Variants in PARD3B observed in about 807,000 individuals in gnomAD.
PARD3B encodes par-3 family cell polarity regulator beta.
In PARD3B, 103 loss-of-function variants were observed where a neutral mutation model predicts 130.2. The observed-to-expected ratio is 0.79, with a 90% CI of 0.67 to 0.93. The LOEUF (loss-of-function observed/expected upper bound fraction) is 0.93. PARD3B is among the 40% of genes least tolerant of loss of function. The pLI, the probability that PARD3B is intolerant of heterozygous loss-of-function variation, is 0.00. For synonymous variants in PARD3B, 583 were observed against 553.2 expected, an observed-to-expected ratio of 1.05 and a Z score of -0.76; for missense variants, 1,609 against 1,499.2, an observed-to-expected ratio of 1.07 and a Z score of -1.21.
At chr2:205,140,361 A>G (rs1164061050) in intron 10 of PARD3B, among the ~76,000 whole-genome samples, 1 of 151,316 alleles carries the variant, frequency 6.6e-6, no homozygotes, top group African/African-American at 2.4e-5. Context: ...GCATTCTTGG[A>G]TGAAATAAAA....
intron 15 of PARD3B, among the ~76,000 whole-genome samples, chr2:205,200,617 G>T (rs2036936995): frequency 6.6e-6 from 1 of 152,146 alleles, no homozygotes; most frequent in South Asian, 2.1e-4. Flanking sequence ...CTTACTGTAT[G>T]CCAGGCAACA....
chr2:205,224,764 T>TA (rs1018950724), intron 15 of PARD3B, among the ~76,000 whole-genome samples: 11 of 152,272 alleles, frequency 7.2e-5, no homozygotes, highest in African/African-American at 2.6e-4. Context: ...CATTCTTTTT[T>TA]ATGGCTGAAT....
At chr2:204,778,534 A>G (rs939174104) in intron 2 of PARD3B, among the ~76,000 whole-genome samples, 4 of 152,168 alleles carry the variant, frequency 2.6e-5, no homozygotes, top group Non-Finnish European at 5.9e-5. Context: ...GTGGTTGTAC[A>G]TGGATGATAG....
chr2:204,889,717 G>A (rs1162411434), intron 2 of PARD3B, among the ~76,000 whole-genome samples: 1 of 152,220 alleles, frequency 6.6e-6, no homozygotes, highest in Non-Finnish European at 1.5e-5. Flanking sequence ...CAGTCAGCAG[G>A]CATGGCTGTG....
intron 2 of PARD3B, among the ~76,000 whole-genome samples, chr2:204,835,710 G>C (rs1005894562): frequency 6.6e-6 from 1 of 152,204 alleles, no homozygotes; most frequent in Non-Finnish European, 1.5e-5. Context: ...CTATTCAGTA[G>C]AAACCACACT....
At chr2:205,144,812 C>A (rs2033230960) in intron 10 of PARD3B, among the ~76,000 whole-genome samples, 1 of 152,044 alleles carries the variant, frequency 6.6e-6, no homozygotes, top group Non-Finnish European at 1.5e-5. Context: ...TGGTATCCAG[C>A]AGGAATCACA....
At position 205,036,515 on chromosome 2, in the gene PARD3B, T is replaced by A. The variant is rs190566152; in HGVS notation, c.395-11066T>A. ...CATATAGCAGACTATATATAAAAAA[T>A]ATATATATAGCAGACTATATATACA... On this transcript the variant is annotated intron_variant, in intron 3 of 22. Coordinates refer to ENST00000406610, the MANE Select transcript of PARD3B (RefSeq NM_001302769.2). Among the ~76,000 whole-genome samples the A allele has an allele frequency of 5.9e-3, 870 of 148,400 alleles. 6 individuals carry two copies. The highest frequency in any genetic ancestry group is 0.019 in the African/African-American group (786 of 40,740).
chr2:204,854,873 C>T (rs868590471), intron 2 of PARD3B, among the ~76,000 whole-genome samples: 7 of 151,868 alleles, frequency 4.6e-5, no homozygotes, highest in Non-Finnish European at 5.9e-5. Context: ...AGTTTAGGAA[C>T]GAAGGTTTTT....
intron 2 of PARD3B, among the ~76,000 whole-genome samples, chr2:204,763,840 A>C (rs2041014232): frequency 6.6e-6 from 1 of 152,230 alleles, no homozygotes; most frequent in Non-Finnish European, 1.5e-5. Context: ...TTTTGGAAAG[A>C]TAATGTGTAT....
intron 14 of PARD3B, among the ~76,000 whole-genome samples, chr2:205,190,063 T>C (rs983090685): frequency 2.0e-5 from 3 of 152,234 alleles, no homozygotes; most frequent in African/African-American, 7.2e-5. Flanking sequence ...TCTTTGATCC[T>C]TCTTGATTAT....
intron 1 of PARD3B, among the ~76,000 whole-genome samples, chr2:204,670,191 G>A (rs2036234425): frequency 6.6e-6 from 1 of 152,148 alleles, no homozygotes; most frequent in African/African-American, 2.4e-5. Flanking sequence ...AGAAGGGTTG[G>A]CAAAGTTATC....
At chr2:204,672,989 G>A (rs2036377534) in intron 1 of PARD3B, among the ~76,000 whole-genome samples, 1 of 152,222 alleles carries the variant, frequency 6.6e-6, no homozygotes, top group Non-Finnish European at 1.5e-5. Context: ...GTATGTATAT[G>A]TATGCCCGTG....
intron 7 of PARD3B, among the ~76,000 whole-genome samples, chr2:205,119,300 G>A (rs974743045): frequency 2.6e-5 from 4 of 152,090 alleles, no homozygotes; most frequent in African/African-American, 9.7e-5. Context: ...TTACTGGGGC[G>A]TCGTTGAACG....
chr2:204,852,560 T>A lies in PARD3B; in HGVS notation c.223-112592T>A, dbSNP rs879727324. ...TGATATTTAAATACTGGAAAAAAAA[T>A]CTATACACAGCAAGCAGCTTTAACC... On this transcript the variant is annotated intron_variant, in intron 2 of 22. Transcript: ENST00000406610. Among the ~76,000 whole-genome samples, 39 of 150,380 alleles carry A rather than the reference T, an allele frequency of 2.6e-4. 1 individual carries two copies. The highest frequency in any genetic ancestry group is 9.5e-4 in the African/African-American group (38 of 39,912).
rs879345258 is a variant in PARD3B at position 205,287,896 on chromosome 2, T to C, written c.2186-12634T>C. 9.2e-5 allele frequency among the ~76,000 whole-genome samples: 14 copies of C among 152,158 alleles called. No individual in the cohort carries two copies. Among genetic ancestry groups the C allele is most frequent in the African/African-American group, 2.9e-4 (12 of 41,426 alleles). ...GAGTTCCCTGAGGGAAGGTTATTAA[T>C]GGAAGTATCACCTTCTTGTAACCTT... On this transcript the variant is annotated intron_variant, in intron 16 of 22. Transcript: ENST00000406610. This position sits in a 1 kb window ranked among gnomAD's most constrained non-coding sequence, Gnocchi z 4.8.
chr2:205,417,897 TG>T (rs1173820251), intron 19 of PARD3B, among the ~76,000 whole-genome samples: 1 of 152,224 alleles, frequency 6.6e-6, no homozygotes, highest in South Asian at 2.1e-4. Flanking sequence ...CCACTTTGTG[TG>T]CACTTGAAAA....
At chr2:204,762,518 G>A (rs555092326) in intron 2 of PARD3B, among the ~76,000 whole-genome samples, 41 of 152,194 alleles carry the variant, frequency 2.7e-4, no homozygotes, top group Admixed American at 8.5e-4. Context: ...TTAAATTTAA[G>A]CCTTGATTCA....
intron 2 of PARD3B, among the ~76,000 whole-genome samples, chr2:204,926,090 A>G (rs775314779): frequency 1.8e-4 from 27 of 152,010 alleles, no homozygotes; most frequent in Non-Finnish European, 2.5e-4. Flanking sequence ...ACGAACTAAC[A>G]CACCTACATT....
intron 1 of PARD3B, among the ~76,000 whole-genome samples, chr2:204,582,900 C>A (rs1452705475): frequency 1.3e-5 from 2 of 152,106 alleles, no homozygotes; most frequent in Non-Finnish European, 2.9e-5. Flanking sequence ...AGCATTTTTT[C>A]ATGTATTTTT....
Sources: allele counts gnomAD v4.1 joint callset (sites outside exome capture counted in the v4.1 genomes callset), GRCh38; gene constraint gnomAD v4.1.1; non-coding constraint Gnocchi (gnomAD v3.1); transcripts MANE v1.5; gene names NCBI Gene and HGNC (gene_info 2026-07-23, HGNC 2026-07-21).